Variants in GIN1 observed in about 807,000 individuals in gnomAD.
The protein encoded by GIN1 is gypsy retrotransposon integrase 1, also known as gypsy retrotransposon integrase-like protein 1.
Under a neutral mutation model 51.4 loss-of-function variants are expected in GIN1, and 41 were observed. The observed-to-expected ratio is 0.80, with a 90% CI of 0.62 to 1.04. GIN1 has a LOEUF of 1.04. Among genes scored for constraint, GIN1 ranks in the 50% least tolerant of loss-of-function variants. The pLI is 0.00. For missense variants in GIN1, 610 were observed against 612.4 expected, an observed-to-expected ratio of 1.00 and a Z score of 0.04; for synonymous variants, 222 against 206.5, an observed-to-expected ratio of 1.07 and a Z score of -0.64.
At chr5:103,097,017 C>T (rs1787415479) in intron 6 of GIN1, among the ~76,000 whole-genome samples, 191 bp from the exon 7 acceptor site, 1 of 152,136 alleles carries the variant, frequency 6.6e-6, no homozygotes, top group South Asian at 2.1e-4. Context: ...AGAAGGTAAA[C>T]TAAGATAGGT....
chr5:103,109,336 C>T (rs1259412907), intron 1 of GIN1, among the ~76,000 whole-genome samples: 3 of 152,018 alleles, frequency 2.0e-5, no homozygotes, highest in Non-Finnish European at 4.4e-5. Flanking sequence ...ATAAATCTTA[C>T]AATTTTGAAA....
intron 1 of GIN1, among the ~76,000 whole-genome samples, chr5:103,113,901 G>C (rs1402131193): frequency 6.6e-5 from 10 of 152,126 alleles, no homozygotes; most frequent in Admixed American, 2.0e-4. Context: ...CAACCATTAA[G>C]ACCATGGCAC....
intron 4 of GIN1, among the ~76,000 whole-genome samples, chr5:103,102,070 A>G (rs781907580): frequency 5.9e-5 from 9 of 152,200 alleles, no homozygotes; most frequent in Non-Finnish European, 1.3e-4. Flanking sequence ...TTTCCATTGA[A>G]GTTTATACCA....
chr5:103,108,561 A>C lies in GIN1; in HGVS notation c.139+8T>G. ...ACTCAATAATCAAAATTTGAACATTAATTTTACCTTTGAAGACAAATTTTT... is the reference window on the plus strand; with the variant it reads ...ACTCAATAATCAAAATTTGAACATTCATTTTACCTTTGAAGACAAATTTTT... On this transcript the variant is annotated splice_region_variant and intron_variant, in intron 2 of 7. Transcript: ENST00000399004. 2 of 1,574,170 alleles carry C rather than the reference A, an allele frequency of 1.3e-6. No individual in the cohort carries two copies. The highest frequency in any genetic ancestry group is 1.7e-6 in the Non-Finnish European group (2 of 1,149,580).
chr5:103,119,908 C>T (rs1554198275), intron 1 of GIN1, among the ~76,000 whole-genome samples, 156 bp downstream of exon 1: 2 of 152,234 alleles, frequency 1.3e-5, no homozygotes, highest in Non-Finnish European at 2.9e-5. Context: ...GCCCAAGGCC[C>T]TCCTATCTCA....
intron 6 of GIN1, among the ~76,000 whole-genome samples, chr5:103,097,093 C>T (rs942459775): frequency 1.3e-5 from 2 of 152,186 alleles, no homozygotes; most frequent in Non-Finnish European, 2.9e-5. Flanking sequence ...TCCAGCTCTA[C>T]TTGATTCCAA....
In GIN1 at chr5:103,086,524, A is replaced by T. The variant is rs1256731925; in HGVS notation, c.*1374T>A. On this transcript the variant is annotated 3_prime_UTR_variant, in exon 8 of 8. Coordinates refer to ENST00000399004, the MANE Select transcript of GIN1 (RefSeq NM_017676.2). ...AAGAAGCCCTGCCTTTTTATGAATCATTACAATACTTTTCCATTTCTGTGT... is the reference window on the plus strand; with the variant it reads ...AAGAAGCCCTGCCTTTTTATGAATCTTTACAATACTTTTCCATTTCTGTGT... 2 of 152,172 alleles carry T rather than the reference A, an allele frequency of 1.3e-5. No individual in the cohort carries two copies. Among genetic ancestry groups the T allele is most frequent in the African/African-American group, 4.8e-5 (2 of 41,434 alleles). The allele number at this position is 152,172 out of a possible 1,614,324, so 9.4% of individuals were successfully genotyped here.
chr5:103,113,062 T>C (rs1787930773), intron 1 of GIN1, among the ~76,000 whole-genome samples: 3 of 152,130 alleles, frequency 2.0e-5, no homozygotes, highest in African/African-American at 2.4e-5. Flanking sequence ...AGGTAGAACC[T>C]TGAACTTTAT....
At chr5:103,119,600 C>T (rs1204510262) in intron 1 of GIN1, among the ~76,000 whole-genome samples, 1 of 152,174 alleles carries the variant, frequency 6.6e-6, no homozygotes, top group African/African-American at 2.4e-5. Context: ...CTCTTGACCT[C>T]ACGTTTCTCC....
chr5:103,091,676 T>C (rs1462147047), intron 7 of GIN1, among the ~76,000 whole-genome samples: 1 of 149,028 alleles, frequency 6.7e-6, no homozygotes, highest in African/African-American at 2.5e-5. Flanking sequence ...CTAATGTAGG[T>C]TTTTTTTTTA....
At chr5:103,103,016 A>C (rs782167738) in intron 4 of GIN1, among the ~76,000 whole-genome samples, 1 of 152,270 alleles carries the variant, frequency 6.6e-6, no homozygotes, top group African/African-American at 2.4e-5. Context: ...TTAACCTGAC[A>C]GTTAATTTTA....
intron 4 of GIN1, among the ~76,000 whole-genome samples, chr5:103,100,040 C>T (rs367816961): frequency 2.9e-4 from 44 of 152,038 alleles, no homozygotes; most frequent in African/African-American, 1.1e-3. Flanking sequence ...TCATATGTCG[C>T]TTTTTTGGTT....
chr5:103,119,479 T>C (rs781863076), intron 1 of GIN1, among the ~76,000 whole-genome samples: 10 of 152,190 alleles, frequency 6.6e-5, no homozygotes, highest in Non-Finnish European at 1.0e-4. Context: ...ATGGGATAAA[T>C]GCATTTCCAC....
intron 1 of GIN1, among the ~76,000 whole-genome samples, chr5:103,110,209 A>C (rs1177376757): frequency 6.6e-6 from 1 of 152,052 alleles, no homozygotes; most frequent in African/African-American, 2.4e-5. Context: ...ACAAAAAAAA[A>C]ACACTATCCT....
chr5:103,107,152 G>C (rs1206080921), intron 2 of GIN1, among the ~76,000 whole-genome samples: 10 of 151,940 alleles, frequency 6.6e-5, no homozygotes, highest in Non-Finnish European at 1.5e-4. Context: ...AATATAAGTA[G>C]AGCAAGCTTG....
At chr5:103,112,796 A>G (rs1037697055) in intron 1 of GIN1, among the ~76,000 whole-genome samples, 11 of 152,084 alleles carry the variant, frequency 7.2e-5, no homozygotes, top group African/African-American at 2.7e-4. Flanking sequence ...TCATCCATAT[A>G]ACCTTGAATT....
intron 6 of GIN1, 103 bp from the exon 7 acceptor site, chr5:103,096,929 G>T: frequency 1.4e-6 from 1 of 703,388 alleles, no homozygotes; most frequent in Non-Finnish European, 2.4e-6. Flanking sequence ...TACTTGAGAT[G>T]CTACTAAAAG....
intron 1 of GIN1, among the ~76,000 whole-genome samples, chr5:103,118,749 G>GTT (rs10555111): frequency 1.3e-4 from 11 of 87,052 alleles, no homozygotes; most frequent in South Asian, 2.9e-4. Flanking sequence ...AATGAAAGTT[G>GTT]TTTTTTTTTT....
rs536788313 is a variant in GIN1 at position 103,097,484 on chromosome 5, T to C, written c.838A>G (p.Thr280Ala). The C allele has an allele frequency of 1.3e-6, 2 of 1,536,198 alleles. No individual in the cohort carries two copies. The highest frequency in any genetic ancestry group is 1.8e-6 in the Non-Finnish European group (2 of 1,119,674). The change falls in exon 6 of 8, where the codon ACT (threonine) becomes GCT (alanine). Residue 280 changes from threonine (T) to alanine (A), a missense_variant. By Grantham distance (58) the Thr-to-Ala change is moderately conservative. Coordinates refer to ENST00000399004, the MANE Select transcript of GIN1 (RefSeq NM_017676.2). ...ATTTGAAAATATGGTGTATTTTTAG[T>C]AGGTTCCTATTTTAAAGAAAATAAA... ...FAFNVTHLEP[T>A]KNTPYFQMFS...
Sources: allele counts gnomAD v4.1 joint callset (sites outside exome capture counted in the v4.1 genomes callset), GRCh38; gene constraint gnomAD v4.1.1; transcripts MANE v1.5; gene names NCBI Gene and HGNC (gene_info 2026-07-23, HGNC 2026-07-21).